The following ACTN2 variants were observed in gnomAD, a reference collection of about 807,000 sequenced individuals.
ACTN2 encodes the protein actinin alpha 2.
ACTN2 carries 39 observed loss-of-function variants against 113.8 expected under a neutral mutation model. The observed-to-expected ratio is 0.34, with a 90% CI of 0.27 to 0.45. The LOEUF is 0.45. ACTN2 is among the 20% of genes least tolerant of loss of function. The pLI is 1.00. For missense variants in ACTN2, 992 were observed against 1,177.9 expected, an observed-to-expected ratio of 0.84 and a Z score of 2.31; for synonymous variants, 429 against 444.1, an observed-to-expected ratio of 0.97 and a Z score of 0.43.
At position 236,754,232 on chromosome 1, in the gene ACTN2, G is replaced by T. The variant is rs1659486349; in HGVS notation, c.1974+151G>T. The T allele has an allele frequency of 1.5e-5, 17 of 1,102,362 alleles. No individual in the cohort carries two copies. The South Asian group carries it at 2.3e-4, about 15-fold the overall frequency. The allele number at this position is 1,102,362 out of a possible 1,614,324, so 68.3% of individuals were successfully genotyped here. On this transcript the variant is annotated intron_variant, in intron 16 of 20. Coordinates refer to ENST00000366578, the MANE Select transcript of ACTN2 (RefSeq NM_001103.4). The surrounding 1 kb of genome is among the most constrained non-coding windows in gnomAD (Gnocchi z 4.9). ...GTTATCACCCCGGCTTTATCTTTCA[G>T]CCCCTGGCTGTTGGGGACAGTGTGC...
intron 6 of ACTN2, 106 bp downstream of exon 6, chr1:236,727,862 C>A: frequency 9.7e-7 from 1 of 1,035,088 alleles, no homozygotes; most frequent in Non-Finnish European, 1.5e-6. Flanking sequence ...GGGCCACCTG[C>A]AGAAACGGCC....
intron 1 of ACTN2, among the ~76,000 whole-genome samples, chr1:236,696,718 T>C (rs1001168313): frequency 7.4e-5 from 11 of 148,348 alleles, no homozygotes; most frequent in African/African-American, 2.5e-4. Context: ...CAGGCTGGAG[T>C]GCAGTGGCGC....
chr1:236,740,804 C>T (rs115533238), intron 10 of ACTN2, among the ~76,000 whole-genome samples: 2,432 of 151,888 alleles, frequency 0.016, 21 homozygotes, highest in Middle Eastern at 0.055. Flanking sequence ...GTGCTGGGAT[C>T]ATTTTTATTT....
At chr1:236,698,372 G>T (rs760972851) in intron 1 of ACTN2, among the ~76,000 whole-genome samples, 1 of 152,134 alleles carries the variant, frequency 6.6e-6, no homozygotes, top group Non-Finnish European at 1.5e-5. Flanking sequence ...TGTTTTGGGT[G>T]TCAGAAAGAA....
In ACTN2 at chr1:236,686,657, C is replaced by A; in HGVS notation, c.-17C>A. 6.4e-7 allele frequency: 1 copy of A among 1,551,038 alleles called. No homozygotes were observed. Among genetic ancestry groups the A allele is most frequent in the Non-Finnish European group, 8.7e-7 (1 of 1,148,800 alleles). On this transcript the variant is annotated 5_prime_UTR_variant, in exon 1 of 21. Coordinates refer to ENST00000366578, the MANE Select transcript of ACTN2 (RefSeq NM_001103.4). ...GAGCCCCTCGCGCCCCGCCGCAGCCCCGGCCAACCGAGCGCCATGAACCAG... is the reference window on the plus strand; with the variant it reads ...GAGCCCCTCGCGCCCCGCCGCAGCCACGGCCAACCGAGCGCCATGAACCAG...
In ACTN2 at chr1:236,754,323, G is replaced by A. The variant is rs1382827476; in HGVS notation, c.1974+242G>A. Among the ~76,000 whole-genome samples the A allele has an allele frequency of 6.6e-6, 1 of 152,176 alleles. No homozygotes were observed. Among genetic ancestry groups the A allele is most frequent in the Non-Finnish European group, 1.5e-5 (1 of 68,022 alleles). ...AGGAAGGGGAGGGGGGTCTTGCTGGGTTCTGTTTATTTTCTCACTAAAAAT... is the reference window on the plus strand; with the variant it reads ...AGGAAGGGGAGGGGGGTCTTGCTGGATTCTGTTTATTTTCTCACTAAAAAT... On this transcript the variant is annotated intron_variant, in intron 16 of 20. Coordinates refer to ENST00000366578, the MANE Select transcript of ACTN2 (RefSeq NM_001103.4). The surrounding 1 kb of genome is among the most constrained non-coding windows in gnomAD (Gnocchi z 4.9).
intron 1 of ACTN2, among the ~76,000 whole-genome samples, chr1:236,704,974 CCTT>C (rs1209016437): frequency 3.3e-5 from 5 of 152,302 alleles, no homozygotes; most frequent in South Asian, 2.1e-4. Flanking sequence ...TGGCAGGACT[CCTT>C]CTGAAATGAG....
intron 15 of ACTN2, 104 bp downstream of exon 15, chr1:236,751,756 C>A: frequency 7.3e-7 from 1 of 1,363,270 alleles, no homozygotes; most frequent in Non-Finnish European, 1.0e-6. Context: ...CCTCATTTTG[C>A]ATCATGATCA....
chr1:236,755,708 G>A (rs1377802913), intron 17 of ACTN2, among the ~76,000 whole-genome samples: 27 of 122,084 alleles, frequency 2.2e-4, no homozygotes, highest in South Asian at 3.0e-4. Flanking sequence ...CGCTGCCACT[G>A]TTAGAACCCT....
At chr1:236,704,657 G>A (rs1657771534) in intron 1 of ACTN2, among the ~76,000 whole-genome samples, 3 of 152,168 alleles carry the variant, frequency 2.0e-5, no homozygotes, top group Admixed American at 1.3e-4. Context: ...ATACTGATGA[G>A]GAGATGCATA....
intron 1 of ACTN2, among the ~76,000 whole-genome samples, chr1:236,707,774 C>A (rs1304524806): frequency 7.5e-6 from 1 of 133,110 alleles, no homozygotes; most frequent in Non-Finnish European, 1.5e-5. Context: ...TGCAATGGCA[C>A]CATCTTGGCT....
intron 13 of ACTN2, chr1:236,748,158 C>T (rs1374358684): frequency 1.5e-5 from 4 of 275,240 alleles, no homozygotes; most frequent in African/African-American, 8.9e-5. Flanking sequence ...GAAGTGAGTA[C>T]ATTGATAGGA....
chr1:236,721,022 G>GTTTTTTTTTTT (rs869077774), intron 4 of ACTN2, among the ~76,000 whole-genome samples: 12 of 66,496 alleles, frequency 1.8e-4, no homozygotes, highest in South Asian at 5.9e-4. Flanking sequence ...TTTGTTTTTT[G>GTTTTTTTTTTT]TTTTTTTTTT....
At chr1:236,690,656 C>T (rs555908739) in intron 1 of ACTN2, among the ~76,000 whole-genome samples, 2 of 152,226 alleles carry the variant, frequency 1.3e-5, no homozygotes, top group African/African-American at 4.8e-5. Context: ...CCTTGTGCGC[C>T]GAATATTTGT....
chr1:236,762,377 A>G, intron 20 of ACTN2, 84 bp from the exon 21 acceptor site: 1 of 1,561,976 alleles, frequency 6.4e-7, no homozygotes. Context: ...AATTAAACAG[A>G]TGCAAGAAAT....
chr1:236,700,845 C>T (rs1657653134), intron 1 of ACTN2, among the ~76,000 whole-genome samples: 1 of 152,176 alleles, frequency 6.6e-6, no homozygotes, highest in Non-Finnish European at 1.5e-5. Context: ...CAGGCCCCTG[C>T]CCTGTTAAAG....
In ACTN2 at chr1:236,755,021, G is replaced by T. The variant is rs1313233193; in HGVS notation, c.1977G>T (p.Glu659Asp). 1.2e-6 allele frequency: 2 copies of T among 1,614,076 alleles called. No homozygotes were observed. Among genetic ancestry groups the T allele is most frequent in the Non-Finnish European group, 1.7e-6 (2 of 1,180,034 alleles). Residue 659 changes from glutamate (E) to aspartate (D), a missense_variant and splice_region_variant, in exon 17 of 21, where the codon GAG becomes GAT. Physicochemically the swap from Glu to Asp is conservative, Grantham distance 45. This residue lies in a region of ACTN2 where 736 missense variants were observed against 815.4 expected (regional missense o/e 0.90). Transcript: ENST00000366578. ...GCTTGCTCACTCGCCCCCCTCAGGA[G>T]ATTGCCCGGAGCTCCATCCAGATCA... is the stretch of plus-strand genomic sequence containing the variant. The part of the protein sequence containing the change: ...IGPWIQNKME[E>D]IARSSIQITG...
intron 9 of ACTN2, among the ~76,000 whole-genome samples, chr1:236,738,298 C>T (rs1329737347): frequency 6.6e-6 from 1 of 152,250 alleles, no homozygotes; most frequent in East Asian, 1.9e-4. Flanking sequence ...CGTGAGCCAC[C>T]GCACCTGGCC....
intron 1 of ACTN2, among the ~76,000 whole-genome samples, chr1:236,696,744 C>T (rs1657513538): frequency 6.6e-6 from 1 of 150,468 alleles, no homozygotes; most frequent in African/African-American, 2.4e-5. Context: ...CGGCTCACTG[C>T]AACCTCCGCC....
Sources: allele counts gnomAD v4.1 joint callset (sites outside exome capture counted in the v4.1 genomes callset), GRCh38; gene constraint gnomAD v4.1.1; regional missense constraint gnomAD v4.1.1; non-coding constraint Gnocchi (gnomAD v3.1); transcripts MANE v1.5; gene names NCBI Gene and HGNC (gene_info 2026-07-23, HGNC 2026-07-21).